NRXN3: variants seen among roughly 807,000 people sequenced by gnomAD.
NRXN3 encodes neurexin 3.
NRXN3 carries 32 observed loss-of-function variants against 137.6 expected under a neutral mutation model. The ratio of observed to expected loss-of-function variants is 0.23; its 90% confidence interval spans 0.18 to 0.31. The LOEUF (loss-of-function observed/expected upper bound fraction) is 0.31, where lower values mean the gene tolerates loss of function less well. Among genes scored for constraint, NRXN3 ranks in the 10% least tolerant of loss-of-function variants. The pLI is 1.00. For synonymous variants in NRXN3, 798 were observed against 784.5 expected (o/e 1.02, Z -0.29); for missense variants, 1,574 against 2,062.5 (o/e 0.76, Z 4.59).
At chr14:78,301,241 G>A (rs1597052979) in intron 4 of NRXN3, among the ~76,000 whole-genome samples, 1 of 152,050 alleles carries the variant, frequency 6.6e-6, no homozygotes, top group Admixed American at 6.6e-5. Flanking sequence ...GGGGTGATGG[G>A]TTCAGAAGGG....
intron 20 of NRXN3, among the ~76,000 whole-genome samples, chr14:79,832,804 C>T (rs1011305428): frequency 6.6e-6 from 1 of 152,106 alleles, no homozygotes; most frequent in South Asian, 2.1e-4. Context: ...GATGTTACTA[C>T]TATGGGGCAT....
intron 4 of NRXN3, among the ~76,000 whole-genome samples, chr14:78,335,406 T>A (rs2081344181): frequency 6.6e-6 from 1 of 152,214 alleles, no homozygotes; most frequent in African/African-American, 2.4e-5. Context: ...CAAGGTAGAT[T>A]GTAAAAGCCT....
rs2097343322 is a variant in NRXN3, at chr14:78,615,914, TAAATC to T, written c.758-29204_758-29200del. Among the ~76,000 whole-genome samples the T allele has an allele frequency of 2.0e-5, 3 of 152,250 alleles. No individual in the cohort carries two copies. In the South Asian group the frequency reaches 6.2e-4, roughly 32 times the overall value. ...GTTTAAGGCTGAAGTAAGCTATGAT[TAAATC>T]ACTATACTCCAGCCTGGGTGACAAA... On this transcript the variant is annotated intron_variant, in intron 4 of 20. Transcript: ENST00000335750.
intron 16 of NRXN3, among the ~76,000 whole-genome samples, chr14:79,659,809 A>G (rs2098524477): frequency 6.6e-6 from 1 of 152,200 alleles, no homozygotes; most frequent in Non-Finnish European, 1.5e-5. Context: ...CATCGCTGTT[A>G]TTTGAACCAT....
At chr14:78,639,775 A>G (rs1467873366) in intron 4 of NRXN3, among the ~76,000 whole-genome samples, 1 of 152,142 alleles carries the variant, frequency 6.6e-6, no homozygotes, top group Non-Finnish European at 1.5e-5. Flanking sequence ...ATAGCGTTAC[A>G]GTTTTGGAAA....
At chr14:78,426,676 A>G (rs2093677886) in intron 4 of NRXN3, among the ~76,000 whole-genome samples, 1 of 152,086 alleles carries the variant, frequency 6.6e-6, no homozygotes, top group Non-Finnish European at 1.5e-5. Context: ...GCCTGTCTGG[A>G]TTCCTCCCTG....
At chr14:78,509,551 T>C (rs1007819964) in intron 4 of NRXN3, among the ~76,000 whole-genome samples, 1 of 152,130 alleles carries the variant, frequency 6.6e-6, no homozygotes, top group African/African-American at 2.4e-5. Context: ...GTTAGGTTTA[T>C]ATGCTTGGAA....
chr14:79,534,049 C>A (rs574392512), intron 16 of NRXN3, among the ~76,000 whole-genome samples: 2 of 152,254 alleles, frequency 1.3e-5, no homozygotes, highest in South Asian at 2.1e-4. Context: ...TTCTTCTTCC[C>A]ATTCTTTTCC....
At chr14:79,432,683 G>C (rs982324238) in intron 15 of NRXN3, among the ~76,000 whole-genome samples, 3 of 152,036 alleles carry the variant, frequency 2.0e-5, no homozygotes, top group African/African-American at 7.2e-5. Context: ...CAGAAATAAG[G>C]TTTTAGTGAT....
At chr14:79,545,812 T>C (rs2097314017) in intron 16 of NRXN3, among the ~76,000 whole-genome samples, 1 of 152,100 alleles carries the variant, frequency 6.6e-6, no homozygotes, top group African/African-American at 2.4e-5. Flanking sequence ...GACATAAGCT[T>C]TGTAGTCACA....
At chr14:78,375,411 G>T (rs1363487672) in intron 4 of NRXN3, among the ~76,000 whole-genome samples, 1 of 152,142 alleles carries the variant, frequency 6.6e-6, no homozygotes, top group African/African-American at 2.4e-5. Context: ...TCAGTTGTTT[G>T]GCAATTCCAT....
chr14:79,481,368 G>T (rs545119371), intron 16 of NRXN3, among the ~76,000 whole-genome samples: 1 of 152,204 alleles, frequency 6.6e-6, no homozygotes, highest in South Asian at 2.1e-4. Context: ...TATGTTCTGG[G>T]AAATGCCCTG....
At chr14:78,427,415 G>A (rs191123916) in intron 4 of NRXN3, among the ~76,000 whole-genome samples, 2 of 152,294 alleles carry the variant, frequency 1.3e-5, no homozygotes, top group Admixed American at 6.5e-5. Flanking sequence ...CTGGTTGGAG[G>A]ACATCAGGGA....
At chr14:78,245,482 C>T (rs957399867) in intron 2 of NRXN3, among the ~76,000 whole-genome samples, 1 of 152,104 alleles carries the variant, frequency 6.6e-6, no homozygotes, top group African/African-American at 2.4e-5. Flanking sequence ...GCCACCGATT[C>T]CCAAGATCTC....
At chr14:79,392,987 A>AG (rs895680545) in intron 15 of NRXN3, among the ~76,000 whole-genome samples, 11 of 151,428 alleles carry the variant, frequency 7.3e-5, no homozygotes, top group African/African-American at 2.7e-4. Context: ...AAAAAAAAAA[A>AG]AAAAATTCAG....
chr14:78,585,543 A>T (rs1324139066), intron 4 of NRXN3, among the ~76,000 whole-genome samples: 1 of 152,088 alleles, frequency 6.6e-6, no homozygotes, highest in South Asian at 2.1e-4. Context: ...TAGTTAGGAG[A>T]CTATTGTCAT....
chr14:78,488,118 T>C (rs2095598001), intron 4 of NRXN3, among the ~76,000 whole-genome samples: 1 of 152,284 alleles, frequency 6.6e-6, no homozygotes, highest in East Asian at 1.9e-4. Flanking sequence ...ACGTGACTTT[T>C]CCCCCATGTG....
chr14:79,568,757 T>G (rs556364944), intron 16 of NRXN3, among the ~76,000 whole-genome samples: 36 of 152,318 alleles, frequency 2.4e-4, no homozygotes, highest in Admixed American at 5.2e-4. Context: ...TGTCTTCCAC[T>G]GCTGTTCTCT....
chr14:78,329,465 G>A (rs2153568141), intron 4 of NRXN3, among the ~76,000 whole-genome samples: 1 of 152,226 alleles, frequency 6.6e-6, no homozygotes. Context: ...TTTTGGATTT[G>A]TATTTATTTT....
Sources: gnomAD v4.1 joint callset for allele counts (sites outside exome capture counted in the v4.1 genomes callset) on GRCh38, gnomAD v4.1.1 for gene constraint, MANE v1.5 for transcripts, NCBI Gene and HGNC (gene_info 2026-07-23, HGNC 2026-07-21) for gene names.